The following TTLL11 variants were observed in gnomAD, a reference collection of about 807,000 sequenced individuals.
TTLL11 encodes tubulin polyglutamylase TTLL11.
Under a neutral mutation model 51.7 loss-of-function variants are expected in TTLL11, and 42 were observed. The observed-to-expected ratio is 0.81, with a 90% confidence interval of 0.64 to 1.05. TTLL11 has a LOEUF of 1.05. Among genes scored for constraint, TTLL11 ranks in the 50% least tolerant of loss-of-function variants. TTLL11 has a pLI of 0.00. For missense variants in TTLL11, 799 were observed against 940.4 expected, an observed-to-expected ratio of 0.85 and a Z score of 1.97; for synonymous variants, 381 against 383.5, an observed-to-expected ratio of 0.99 and a Z score of 0.08.
intron 6 of TTLL11, among the ~76,000 whole-genome samples, chr9:121,891,948 C>T (rs1032894013): frequency 1.4e-5 from 2 of 146,600 alleles, no homozygotes; most frequent in African/African-American, 5.0e-5. Context: ...TATATATACA[C>T]ATATATATGA....
chr9:122,031,628 T>C, intron 3 of TTLL11, 95 bp downstream of exon 3: 3 of 1,485,530 alleles, frequency 2.0e-6, no homozygotes, highest in African/African-American at 2.8e-5. Context: ...CGCAGCTCCC[T>C]GGGACCCCCT....
At chr9:121,839,602 C>A (rs1203262252) in intron 8 of TTLL11, among the ~76,000 whole-genome samples, 1 of 152,188 alleles carries the variant, frequency 6.6e-6, no homozygotes, top group Non-Finnish European at 1.5e-5. Flanking sequence ...AGGGGCCAAG[C>A]CTGGCAGAAT....
Position 121,905,014 on chromosome 9 carries a change from A to G in TTLL11, c.1482-34266T>C, listed in dbSNP as rs111866832. Among the ~76,000 whole-genome samples the G allele has an allele frequency of 2.6e-3, 403 of 152,280 alleles. 3 individuals are homozygous for G. Among genetic ancestry groups the G allele is most frequent in the African/African-American group, 9.2e-3 (382 of 41,550 alleles). ...GTTTTGTCATGTTCTTTCACTTTGA[A>G]AAGCTCAGCTAACTTTCTGGATTGT... On this transcript the variant is annotated intron_variant, in intron 6 of 8. Transcript: ENST00000321582.
chr9:121,925,455 C>T (rs1441185790), intron 6 of TTLL11, among the ~76,000 whole-genome samples: 3 of 151,756 alleles, frequency 2.0e-5, no homozygotes, highest in Admixed American at 1.3e-4. Flanking sequence ...ACCATCCTCC[C>T]CTCCGTTTTC....
At chr9:122,009,264 T>G (rs1843734137) in intron 3 of TTLL11, among the ~76,000 whole-genome samples, 1 of 152,194 alleles carries the variant, frequency 6.6e-6, no homozygotes, top group Non-Finnish European at 1.5e-5. Context: ...CCATAATGTA[T>G]GCATATTTCA....
intron 6 of TTLL11, among the ~76,000 whole-genome samples, chr9:121,877,106 C>T (rs1414136932): frequency 6.6e-6 from 1 of 152,176 alleles, no homozygotes; most frequent in Non-Finnish European, 1.5e-5. Context: ...GCAGTGGTGC[C>T]GCATGGCAAA....
intron 1 of TTLL11, among the ~76,000 whole-genome samples, chr9:122,059,731 T>C (rs374837735): frequency 6.6e-6 from 1 of 152,214 alleles, no homozygotes; most frequent in African/African-American, 2.4e-5. Flanking sequence ...GAATCCACCA[T>C]GGTGTAACTG....
intron 6 of TTLL11, among the ~76,000 whole-genome samples, chr9:121,972,781 G>C (rs1842609660): frequency 6.6e-6 from 1 of 152,264 alleles, no homozygotes; most frequent in South Asian, 2.1e-4. Context: ...GGAAACTCTA[G>C]TATTGGTTTT....
rs927800435 is a variant in TTLL11, at chr9:121,853,281, G to C, written c.1840+7056C>G. Among the ~76,000 whole-genome samples, 1 of 152,162 alleles carries C rather than the reference G, an allele frequency of 6.6e-6. No homozygotes were observed. The highest frequency in any genetic ancestry group is 1.5e-5 in the Non-Finnish European group (1 of 68,022). ...GGAACAGCTCTGTTTCCTGGATGTTGGCCTCATGTCGGGGGCAGATGTCCA... is the reference window on the plus strand; with the variant it reads ...GGAACAGCTCTGTTTCCTGGATGTTCGCCTCATGTCGGGGGCAGATGTCCA... On this transcript the variant is annotated intron_variant, in intron 8 of 8. Transcript: ENST00000321582. The surrounding 1 kb of genome is among the most constrained non-coding windows in gnomAD (Gnocchi z 5.6).
At chr9:121,980,981 T>C (rs1248002164) in intron 4 of TTLL11, among the ~76,000 whole-genome samples, 2 of 152,234 alleles carry the variant, frequency 1.3e-5, no homozygotes, top group Non-Finnish European at 2.9e-5. Flanking sequence ...TTTCTGATCA[T>C]CACTGGTTTT....
intron 1 of TTLL11, among the ~76,000 whole-genome samples, chr9:122,077,418 C>T (rs1021045475): frequency 9.2e-5 from 14 of 152,012 alleles, no homozygotes; most frequent in African/African-American, 2.7e-4. Flanking sequence ...TAACCTTAGG[C>T]TTTGTGAAAT....
chr9:121,933,171 G>T (rs910492947), intron 6 of TTLL11, among the ~76,000 whole-genome samples: 1 of 152,128 alleles, frequency 6.6e-6, no homozygotes, highest in Admixed American at 6.5e-5. Flanking sequence ...GAGATAATGA[G>T]AATTTAAATC....
chr9:121,975,624 A>C (rs1842687865), intron 4 of TTLL11, among the ~76,000 whole-genome samples: 1 of 152,170 alleles, frequency 6.6e-6, no homozygotes, highest in African/African-American at 2.4e-5. Flanking sequence ...AAGCAGGATA[A>C]TTGCTTGAAC....
At chr9:122,021,201 G>A (rs763557524) in intron 3 of TTLL11, among the ~76,000 whole-genome samples, 11 of 152,090 alleles carry the variant, frequency 7.2e-5, no homozygotes, top group Admixed American at 2.0e-4. Flanking sequence ...CCCTAGGATT[G>A]CCTCAGATTA....
At chr9:122,088,182 T>C (rs995253987) in intron 1 of TTLL11, among the ~76,000 whole-genome samples, 1 of 152,190 alleles carries the variant, frequency 6.6e-6, no homozygotes, top group Non-Finnish European at 1.5e-5. Flanking sequence ...GGCTTCTTCA[T>C]CGCTCTCCAC....
At chr9:121,886,281 C>T (rs1168729179) in intron 6 of TTLL11, among the ~76,000 whole-genome samples, 1 of 152,172 alleles carries the variant, frequency 6.6e-6, no homozygotes, top group Non-Finnish European at 1.5e-5. Flanking sequence ...TATCCAAGTC[C>T]TAACCCCTGA....
intron 8 of TTLL11, among the ~76,000 whole-genome samples, chr9:121,830,025 T>C (rs1223154907): frequency 6.6e-6 from 1 of 152,132 alleles, no homozygotes; most frequent in Non-Finnish European, 1.5e-5. Flanking sequence ...GTCCCTGTCT[T>C]CTCTACATTC....
chr9:121,989,204 C>T lies in TTLL11; in HGVS notation c.1260G>A (p.Thr420=), dbSNP rs771742926. The T allele has an allele frequency of 5.0e-6, 8 of 1,613,690 alleles. No homozygotes were observed. Among genetic ancestry groups the T allele is most frequent in the South Asian group, 3.3e-5 (3 of 91,048 alleles). ...SDIPTGRPGP[T]CFQILGFDIL... ...AACTGGCAATGGTTACCTGGAAGCA[C>T]GTGGGGCCCGGCCTCCCCGTGGGGA... The change falls in exon 4 of 9, where the codon ACG becomes ACA. Residue 420 remains threonine, a synonymous_variant. Transcript: ENST00000321582. The surrounding 1 kb of genome is among the most constrained non-coding windows in gnomAD (Gnocchi z 4.2).
In TTLL11 at chr9:121,989,745, G is replaced by T. The variant is rs1379528358; in HGVS notation, c.719C>A (p.Pro240His). The change falls in exon 4 of 9, where the codon CCC becomes CAC. Residue 240 changes from proline to histidine, a missense_variant. This residue lies in a region of TTLL11 where 468 missense variants were observed against 612.8 expected (regional missense o/e 0.76). Coordinates refer to ENST00000321582, the MANE Select transcript of TTLL11 (RefSeq NM_001139442.2). This position sits in a 1 kb window ranked among gnomAD's most constrained non-coding sequence, Gnocchi z 4.2. ...AQVQMVKDDD[P>H]SWKPTFIVKP... ...CACGATAAAAGTGGGCTTCCAGGAG[G>T]GGTCATCGTCTTTCACCATTTGAAC... The T allele has an allele frequency of 4.4e-6, 7 of 1,606,168 alleles. No homozygotes were observed. The highest frequency in any genetic ancestry group is 6.0e-6 in the Non-Finnish European group (7 of 1,174,744).
Sources: allele counts gnomAD v4.1 joint callset (sites outside exome capture counted in the v4.1 genomes callset), GRCh38; gene constraint gnomAD v4.1.1; regional missense constraint gnomAD v4.1.1; non-coding constraint Gnocchi (gnomAD v3.1); transcripts MANE v1.5; gene names NCBI Gene and HGNC (gene_info 2026-07-23, HGNC 2026-07-21).